LRMDA: variants seen among roughly 807,000 people sequenced by gnomAD.
LRMDA encodes leucine rich melanocyte differentiation associated.
In LRMDA, 18 loss-of-function variants were observed where a neutral mutation model predicts 29.8. That is an observed-to-expected ratio of 0.60 (90% confidence interval 0.42 to 0.90). The LOEUF (loss-of-function observed/expected upper bound fraction) is 0.90, where lower values mean the gene tolerates loss of function less well. Among genes scored for constraint, LRMDA ranks in the 40% least tolerant of loss-of-function variants. LRMDA has a pLI of 0.00. For synonymous variants in LRMDA, 125 were observed against 109.4 expected, an observed-to-expected ratio of 1.14 and a Z score of -0.89; for missense variants, 273 against 273.9, an observed-to-expected ratio of 1.00 and a Z score of 0.02.
chr10:75,710,604 T>C (rs952997609), intron 2 of LRMDA, among the ~76,000 whole-genome samples: 3 of 152,144 alleles, frequency 2.0e-5, no homozygotes, highest in Admixed American at 6.5e-5. Flanking sequence ...GCTGCCTTTT[T>C]CCCCCCGCTT....
chr10:75,516,358 C>G (rs1263546203), intron 2 of LRMDA, among the ~76,000 whole-genome samples: 3 of 152,234 alleles, frequency 2.0e-5, no homozygotes, highest in Non-Finnish European at 4.4e-5. Context: ...ACATCCTCTC[C>G]AGCATCTGTG....
chr10:76,398,765 C>T (rs1285692102), intron 6 of LRMDA, among the ~76,000 whole-genome samples: 1 of 152,174 alleles, frequency 6.6e-6, no homozygotes, highest in African/African-American at 2.4e-5. Flanking sequence ...ACTGGGAAGC[C>T]AGCTGAGTTT....
intron 2 of LRMDA, among the ~76,000 whole-genome samples, chr10:75,580,466 C>G (rs180880417): frequency 5.3e-5 from 8 of 152,290 alleles, no homozygotes; most frequent in African/African-American, 1.2e-4. Context: ...TAGGAAGAAT[C>G]AATATCATGA....
In LRMDA at chr10:75,773,952, T is replaced by C. The variant is rs562894914; in HGVS notation, c.132-262056T>C. Among the ~76,000 whole-genome samples, 17 of 152,340 alleles carry C rather than the reference T, an allele frequency of 1.1e-4. No individual in the cohort carries two copies. The South Asian group carries it at 2.3e-3, about 20-fold the overall frequency. ...GTCCTCACTGAGTCTGTAAGTTCCT[T>C]TAAGGCTTAGTCTGTATCATTCTTT... On this transcript the variant is annotated intron_variant, in intron 2 of 6. Transcript: ENST00000611255.
chr10:75,974,520 A>T (rs1847036241), intron 2 of LRMDA, among the ~76,000 whole-genome samples: 1 of 152,154 alleles, frequency 6.6e-6, no homozygotes. Flanking sequence ...GCTGTTATTG[A>T]TAATCATGAT....
intron 5 of LRMDA, among the ~76,000 whole-genome samples, chr10:76,083,714 A>G (rs1338265418): frequency 6.6e-6 from 1 of 151,828 alleles, no homozygotes; most frequent in Non-Finnish European, 1.5e-5. Context: ...TGAGCCTGTA[A>G]TTCCAGCTAC....
chr10:76,361,960 C>T (rs150055522), intron 6 of LRMDA, among the ~76,000 whole-genome samples: 1 of 152,270 alleles, frequency 6.6e-6, no homozygotes, highest in Non-Finnish European at 1.5e-5. Flanking sequence ...CTTTTATTAT[C>T]TCTGTTCTTC....
At chr10:75,571,599 C>T (rs1589189283) in intron 2 of LRMDA, among the ~76,000 whole-genome samples, 1 of 152,178 alleles carries the variant, frequency 6.6e-6, no homozygotes, top group East Asian at 1.9e-4. Context: ...TAGTCATGGG[C>T]ACGTAACACT....
chr10:76,411,417 A>G (rs117951710), intron 6 of LRMDA, among the ~76,000 whole-genome samples: 5 of 152,324 alleles, frequency 3.3e-5, no homozygotes, highest in African/African-American at 4.8e-5. Context: ...TAAAAATCCA[A>G]CATAATTAGG....
intron 5 of LRMDA, among the ~76,000 whole-genome samples, chr10:76,137,556 C>G (rs1850118297): frequency 6.6e-6 from 1 of 151,774 alleles, no homozygotes; most frequent in African/African-American, 2.4e-5. Context: ...TACATACTTC[C>G]CTAAAGAGGG....
At chr10:75,662,520 G>C (rs557626649) in intron 2 of LRMDA, among the ~76,000 whole-genome samples, 1 of 152,302 alleles carries the variant, frequency 6.6e-6, no homozygotes, top group Non-Finnish European at 1.5e-5. Flanking sequence ...CTAGTGAAAA[G>C]TCACCTAATT....
intron 6 of LRMDA, among the ~76,000 whole-genome samples, chr10:76,373,509 A>G (rs908306752): frequency 3.3e-5 from 5 of 152,162 alleles, no homozygotes; most frequent in Admixed American, 3.3e-4. Context: ...GCTTCAATGA[A>G]CTATAAAGGG....
chr10:75,520,495 G>A (rs546844746), intron 2 of LRMDA, among the ~76,000 whole-genome samples: 4 of 152,048 alleles, frequency 2.6e-5, no homozygotes, highest in Non-Finnish European at 2.9e-5. Flanking sequence ...TGCCTGCCTC[G>A]TGAAGTTCTT....
chr10:75,996,272 TG>T (rs1457615778), intron 2 of LRMDA, among the ~76,000 whole-genome samples: 1 of 152,220 alleles, frequency 6.6e-6, no homozygotes, highest in African/African-American at 2.4e-5. Flanking sequence ...CTGACAAGTC[TG>T]AGAGGGGCTG....
chr10:75,845,115 T>G lies in LRMDA; in HGVS notation c.132-190893T>G, dbSNP rs12571434. 7.5e-3 allele frequency among the ~76,000 whole-genome samples: 1,146 copies of G among 151,918 alleles called. 56 individuals carry two copies. In the East Asian group the frequency reaches 0.14, roughly 18 times the overall value. ...TAAATGTGTAAATATGATTTTTTTT[T>G]GTTTTTTTTTACAAAAGTTTCTTGG... On this transcript the variant is annotated intron_variant, in intron 2 of 6. Transcript: ENST00000611255.
chr10:76,095,478 G>A (rs1420173088), intron 5 of LRMDA, among the ~76,000 whole-genome samples: 2 of 152,164 alleles, frequency 1.3e-5, no homozygotes, highest in African/African-American at 4.8e-5. Flanking sequence ...GTGTGTGGAC[G>A]TGTTTTCATT....
intron 2 of LRMDA, among the ~76,000 whole-genome samples, chr10:75,976,245 A>G (rs1847067750): frequency 6.6e-6 from 1 of 152,230 alleles, no homozygotes; most frequent in Non-Finnish European, 1.5e-5. Context: ...GAACAAACCT[A>G]TTCATTCGTT....
intron 6 of LRMDA, among the ~76,000 whole-genome samples, chr10:76,503,878 G>T (rs1490608004): frequency 6.8e-6 from 1 of 147,090 alleles, no homozygotes; most frequent in Non-Finnish European, 1.5e-5. Context: ...CTTTGGGGTT[G>T]GTTCTTTTTT....
intron 2 of LRMDA, among the ~76,000 whole-genome samples, chr10:75,761,145 A>G (rs1843089240): frequency 6.6e-6 from 1 of 152,186 alleles, no homozygotes; most frequent in South Asian, 2.1e-4. Flanking sequence ...AAAAAGTTAA[A>G]CATAGAATTA....
Sources: gnomAD v4.1 joint callset for allele counts (sites outside exome capture counted in the v4.1 genomes callset) on GRCh38, gnomAD v4.1.1 for gene constraint, MANE v1.5 for transcripts, NCBI Gene and HGNC (gene_info 2026-07-23, HGNC 2026-07-21) for gene names.